The following MACROD2 variants were observed in gnomAD, a reference collection of about 807,000 sequenced individuals.
MACROD2 encodes the protein ADP-ribose glycohydrolase MACROD2.
Under a neutral mutation model 70.4 loss-of-function variants are expected in MACROD2, and 36 were observed. The observed-to-expected ratio is 0.51, with a 90% CI of 0.39 to 0.68. The LOEUF is 0.68. Among genes scored for constraint, MACROD2 ranks in the 30% least tolerant of loss-of-function variants. The probability of loss-of-function intolerance (pLI) is 0.00; values close to 1 mark genes in which losing one functional copy is unlikely to be tolerated. For synonymous variants in MACROD2, 172 were observed against 178.8 expected, an observed-to-expected ratio of 0.96 and a Z score of 0.30; for missense variants, 496 against 538.4, an observed-to-expected ratio of 0.92 and a Z score of 0.78.
chr20:14,644,950 G>C (rs183568190), intron 4 of MACROD2, among the ~76,000 whole-genome samples: 1 of 152,074 alleles, frequency 6.6e-6, no homozygotes. Context: ...ATGACTACAG[G>C]ATACTACATT....
At chr20:14,235,783 C>T (rs76753847) in intron 3 of MACROD2, among the ~76,000 whole-genome samples, 4,820 of 152,156 alleles carry the variant, frequency 0.032, 227 homozygotes, top group African/African-American at 0.1. Flanking sequence ...CTGGGACATT[C>T]GCACTCCATT....
intron 5 of MACROD2, among the ~76,000 whole-genome samples, chr20:15,059,198 A>G (rs565205502): frequency 7.2e-5 from 11 of 152,224 alleles, no homozygotes; most frequent in East Asian, 1.9e-4. Context: ...AGTCTGGCCA[A>G]CATGGTGAAA....
Position 15,541,631 on chromosome 20 carries a change from G to A in MACROD2, c.645+41784G>A, listed in dbSNP as rs563641578. On this transcript the variant is annotated intron_variant, in intron 8 of 17. Transcript: ENST00000684519. ...TTTCTTCAGAAAACTGGAACATTTG[G>A]CCAATTTCTTAATATATTAATTTTA... Among the ~76,000 whole-genome samples the A allele has an allele frequency of 3.3e-5, 5 of 152,172 alleles. No homozygotes were observed. The South Asian group carries it at 1.0e-3, about 32-fold the overall frequency.
At chr20:15,067,059 T>G (rs1456310030) in intron 5 of MACROD2, among the ~76,000 whole-genome samples, 4 of 152,184 alleles carry the variant, frequency 2.6e-5, no homozygotes, top group Non-Finnish European at 5.9e-5. Flanking sequence ...TTTTATCCCA[T>G]TTCACATTTT....
intron 5 of MACROD2, among the ~76,000 whole-genome samples, chr20:15,123,871 C>T (rs1318387659): frequency 1.1e-4 from 16 of 152,114 alleles, no homozygotes; most frequent in Non-Finnish European, 2.4e-4. Flanking sequence ...TATGTGTGTG[C>T]ACTGGCACTC....
intron 5 of MACROD2, among the ~76,000 whole-genome samples, chr20:14,762,924 C>T (rs756763088): frequency 7.3e-5 from 11 of 151,664 alleles, no homozygotes; most frequent in East Asian, 1.9e-4. Flanking sequence ...AGCAAGATTC[C>T]GTCTCAAAAA....
intron 8 of MACROD2, among the ~76,000 whole-genome samples, chr20:15,527,283 T>C (rs984439291): frequency 1.3e-5 from 2 of 152,226 alleles, no homozygotes; most frequent in African/African-American, 2.4e-5. Context: ...TCATTTTTTC[T>C]ACAATAATAT....
intron 2 of MACROD2, among the ~76,000 whole-genome samples, chr20:14,045,341 C>A (rs1480826020): frequency 1.3e-5 from 2 of 152,208 alleles, no homozygotes; most frequent in East Asian, 3.9e-4. Flanking sequence ...CATGCTGTCA[C>A]CTTTCAACAT....
At chr20:15,295,361 T>C (rs2077576481) in intron 6 of MACROD2, among the ~76,000 whole-genome samples, 1 of 152,076 alleles carries the variant, frequency 6.6e-6, no homozygotes, top group Non-Finnish European at 1.5e-5. Flanking sequence ...ATAACAAAAA[T>C]TGGAAAAAGG....
chr20:14,472,121 A>G (rs924546196), intron 3 of MACROD2, among the ~76,000 whole-genome samples: 1 of 152,180 alleles, frequency 6.6e-6, no homozygotes, highest in African/African-American at 2.4e-5. Context: ...TTTCTTCCTT[A>G]TAATTCTAAC....
At chr20:15,959,697 C>A (rs978922882) in intron 12 of MACROD2, among the ~76,000 whole-genome samples, 9 of 151,904 alleles carry the variant, frequency 5.9e-5, no homozygotes, top group South Asian at 2.1e-4. Flanking sequence ...ACCTGGCTAA[C>A]GTTTTTTTAT....
chr20:15,553,145 G>A (rs918059195), intron 8 of MACROD2, among the ~76,000 whole-genome samples: 1 of 152,128 alleles, frequency 6.6e-6, no homozygotes, highest in Non-Finnish European at 1.5e-5. Flanking sequence ...AAATAACATG[G>A]TAATTTACTC....
At chr20:15,836,818 G>C (rs2064119302) in intron 8 of MACROD2, among the ~76,000 whole-genome samples, 1 of 152,118 alleles carries the variant, frequency 6.6e-6, no homozygotes, top group South Asian at 2.1e-4. Context: ...AGTTTTCAAG[G>C]AAGCAATATG....
chr20:14,940,148 C>CAAAAA lies in MACROD2; in HGVS notation c.418+255213_418+255217dup, dbSNP rs57697517. Among the ~76,000 whole-genome samples, 53 of 55,084 alleles carry CAAAAA rather than the reference C, an allele frequency of 9.6e-4. 1 individual carries two copies. Among genetic ancestry groups the CAAAAA allele is most frequent in the South Asian group, 2.1e-3 (2 of 936 alleles). The allele number at this position is 55,084 out of a possible 152,430, so 36.1% of individuals were successfully genotyped here. On this transcript the variant is annotated intron_variant, in intron 5 of 17. Coordinates refer to ENST00000684519, the MANE Select transcript of MACROD2 (RefSeq NM_001351661.2). Reference sequence around the variant, plus strand: ...CAACATATGGAAACCCTCATCTCTGCAAAAAAAAAAAAAAAAAAAAAAAAA... The same window carrying CAAAAA: ...CAACATATGGAAACCCTCATCTCTGCAAAAAAAAAAAAAAAAAAAAAAAAAAAAAA...
At chr20:15,672,906 A>C (rs2050001385) in intron 8 of MACROD2, among the ~76,000 whole-genome samples, 1 of 152,160 alleles carries the variant, frequency 6.6e-6, no homozygotes. Flanking sequence ...TTCTTGTGAC[A>C]GTGAATAGGT....
At chr20:15,821,981 C>A (rs1429592766) in intron 8 of MACROD2, among the ~76,000 whole-genome samples, 1 of 152,148 alleles carries the variant, frequency 6.6e-6, no homozygotes, top group Non-Finnish European at 1.5e-5. Context: ...ACAGTTAGGA[C>A]ACTCAATCTA....
intron 6 of MACROD2, among the ~76,000 whole-genome samples, chr20:15,340,118 CTTTCTTTCTTTCT>C: frequency 1.2e-5 from 1 of 83,650 alleles, no homozygotes; most frequent in South Asian, 4.5e-4. Flanking sequence ...TTTTTTCTTT[CTTTCTTTCTTTCT>C]TTTTTTTTTT....
At chr20:15,494,549 T>G (rs2146480951) in intron 7 of MACROD2, among the ~76,000 whole-genome samples, 1 of 152,238 alleles carries the variant, frequency 6.6e-6, no homozygotes, top group South Asian at 2.1e-4. Flanking sequence ...GGCATAATTT[T>G]GAACAAAATA....
At chr20:14,865,728 G>A (rs2073421212) in intron 5 of MACROD2, among the ~76,000 whole-genome samples, 1 of 152,028 alleles carries the variant, frequency 6.6e-6, no homozygotes, top group African/African-American at 2.4e-5. Flanking sequence ...TGTGTCATAT[G>A]CTCTTAGTTC....
Sources: allele counts gnomAD v4.1 joint callset (sites outside exome capture counted in the v4.1 genomes callset), GRCh38; gene constraint gnomAD v4.1.1; transcripts MANE v1.5; gene names NCBI Gene and HGNC (gene_info 2026-07-23, HGNC 2026-07-21).